The following TRIM39 variants were observed in gnomAD, a reference collection of about 807,000 sequenced individuals.
The protein encoded by TRIM39 is E3 ubiquitin-protein ligase TRIM39.
Under a neutral mutation model 53.6 loss-of-function variants are expected in TRIM39, and 5 were observed. That is an observed-to-expected ratio of 0.09 (90% CI 0.05 to 0.20). The LOEUF (loss-of-function observed/expected upper bound fraction) is 0.20, where lower values mean the gene tolerates loss of function less well. Ranked by LOEUF, TRIM39 falls within the 10% of genes least tolerant of loss-of-function variation. TRIM39 has a pLI of 1.00. For synonymous variants in TRIM39, 196 were observed against 237.6 expected (o/e 0.82, Z 1.61); for missense variants, 310 against 621.0 (o/e 0.50, Z 5.32).
At chr6:30,331,336 A>G (rs894297256) in intron 4 of TRIM39, among the ~76,000 whole-genome samples, 3 of 152,122 alleles carry the variant, frequency 2.0e-5, no homozygotes, top group Non-Finnish European at 2.9e-5. Context: ...ATGGCATTTT[A>G]TTAGGCTTGA....
intron 7 of TRIM39, among the ~76,000 whole-genome samples, chr6:30,340,912 G>C (rs576126990): frequency 2.5e-4 from 38 of 152,264 alleles, no homozygotes; most frequent in African/African-American, 7.5e-4. Context: ...ATGTAAACTT[G>C]CATAACCTTC....
chr6:30,337,642 G>A (rs1787030521), intron 5 of TRIM39, among the ~76,000 whole-genome samples: 1 of 152,156 alleles, frequency 6.6e-6, no homozygotes, highest in Non-Finnish European at 1.5e-5. Context: ...TAGAGCACAA[G>A]GAAAGTAGAT....
At chr6:30,340,333 C>G in intron 6 of TRIM39, 172 bp from the exon 7 acceptor site, 1 of 1,613,004 alleles carries the variant, frequency 6.2e-7, no homozygotes, top group Non-Finnish European at 8.5e-7. Flanking sequence ...TCATAAGGCT[C>G]TCCTTGGATT....
In TRIM39 at chr6:30,342,341, C is replaced by T; in HGVS notation, c.*82C>T. On this transcript the variant is annotated 3_prime_UTR_variant, in exon 8 of 8. Coordinates refer to ENST00000396551, the Ensembl canonical transcript of TRIM39. This position sits in a 1 kb window ranked among gnomAD's most constrained non-coding sequence, Gnocchi z 4.7. ...TTCCCGTGTCCTGCTGGAACGTCTT[C>T]GTGTCCACCTGGGTCCAGTCCTGAA... 5 of 1,450,176 alleles carry T rather than the reference C, an allele frequency of 3.4e-6. No homozygotes were observed. The South Asian group carries it at 3.8e-5, about 11-fold the overall frequency. 89.8% of individuals were successfully genotyped at this position (1,450,176 alleles called of 1,614,324 possible).
intron 3 of TRIM39, among the ~76,000 whole-genome samples, chr6:30,330,312 G>A (rs191213755): frequency 4.2e-4 from 64 of 152,334 alleles, no homozygotes; most frequent in African/African-American, 1.1e-3. Flanking sequence ...GAATGTGTTA[G>A]CATTTTATCA....
In TRIM39 at chr6:30,339,274, G is replaced by A. The variant is rs909892435; in HGVS notation, c.781-634G>A. Among the ~76,000 whole-genome samples the A allele has an allele frequency of 2.0e-5, 3 of 151,810 alleles. No homozygotes were observed. Among genetic ancestry groups the A allele is most frequent in the Non-Finnish European group, 4.4e-5 (3 of 67,988 alleles). On this transcript the variant is annotated intron_variant, in intron 5 of 7. Transcript: ENST00000396551. This position sits in a 1 kb window ranked among gnomAD's most constrained non-coding sequence, Gnocchi z 4.2. Reference sequence around the variant, plus strand: ...AGCGATTCTCCTGCCTCAGCCTCCTGAGTAGCTGGGGTTACAGGCGCACAC... The same window carrying A: ...AGCGATTCTCCTGCCTCAGCCTCCTAAGTAGCTGGGGTTACAGGCGCACAC...
At chr6:30,326,561 GCGC>G (rs1274695425) in exon 1 of TRIM39, 1 of 152,624 alleles carries the variant, frequency 6.6e-6, no homozygotes, top group African/African-American at 2.4e-5. Context: ...GGAGGCGGCG[GCGC>G]CTGGCCAGAG....
chr6:30,328,995 G>A (rs1785776942), exon 2 of TRIM39: 2 of 338,184 alleles, frequency 5.9e-6, no homozygotes, highest in African/African-American at 2.1e-5. Context: ...GAAGTATGCT[G>A]AGCTAGAGTT....
In TRIM39 at chr6:30,342,321, G is replaced by A. The variant is rs1038964739; in HGVS notation, c.*62G>A. 12 of 1,548,036 alleles carry A rather than the reference G, an allele frequency of 7.8e-6. No individual in the cohort carries two copies. The highest frequency in any genetic ancestry group is 6.7e-5 in the East Asian group (3 of 44,514). ...GTCAAGTGCTACGGGCCTCCTTCCC[G>A]TGTCCTGCTGGAACGTCTTCGTGTC... is the stretch of plus-strand genomic sequence containing the variant. On this transcript the variant is annotated 3_prime_UTR_variant, in exon 8 of 8. Coordinates refer to ENST00000396551, the Ensembl canonical transcript of TRIM39. This position sits in a 1 kb window ranked among gnomAD's most constrained non-coding sequence, Gnocchi z 4.7.
chr6:30,340,494 A>G lies in TRIM39; in HGVS notation c.804-11A>G. Reference sequence around the variant, plus strand: ...CTGCCCTTTCTTCCCCTATCTCCCTATCCCTCCTAGATGTGAAAAGGTGAA... The same window carrying G: ...CTGCCCTTTCTTCCCCTATCTCCCTGTCCCTCCTAGATGTGAAAAGGTGAA... On this transcript the variant is annotated splice_polypyrimidine_tract_variant and intron_variant, in intron 6 of 7. Transcript: ENST00000396551. 6.2e-7 allele frequency: 1 copy of G among 1,613,006 alleles called. No homozygotes were observed. The highest frequency in any genetic ancestry group is 8.5e-7 in the Non-Finnish European group (1 of 1,179,970).
chr6:30,333,992 CAT>C (rs1360139295), intron 4 of TRIM39, among the ~76,000 whole-genome samples: 2 of 151,792 alleles, frequency 1.3e-5, no homozygotes, highest in Non-Finnish European at 2.9e-5. Context: ...CATGCACACA[CAT>C]GTGCAAACAC....
rs1056852400 is a variant in TRIM39, at chr6:30,330,976, A to G, written c.549+100A>G. The G allele has an allele frequency of 1.4e-5, 19 of 1,397,166 alleles. No homozygotes were observed. In the East Asian group the frequency reaches 4.4e-4, roughly 33 times the overall value. 86.5% of individuals were successfully genotyped at this position (1,397,166 alleles called of 1,614,324 possible). The stretch of plus-strand genomic sequence containing the variant: ...ATCCACCAGTTCCGGTTCATTAGAA[A>G]AATGCAGTTCTCGCCGGACATGGTG... On this transcript the variant is annotated intron_variant, in intron 4 of 7. Coordinates refer to ENST00000396551, the Ensembl canonical transcript of TRIM39.
At chr6:30,331,266 C>G (rs1473298498) in intron 4 of TRIM39, among the ~76,000 whole-genome samples, 1 of 122,346 alleles carries the variant, frequency 8.2e-6, no homozygotes, top group Non-Finnish European at 1.7e-5. Context: ...AAGGCTCTGT[C>G]TCAAACAAAC....
chr6:30,330,722 T>A, intron 3 of TRIM39, 59 bp from the exon 4 acceptor site: 1 of 1,561,668 alleles, frequency 6.4e-7, no homozygotes, highest in Non-Finnish European at 8.8e-7. Context: ...AATCTCTGAA[T>A]GGTAGGTATA....
chr6:30,332,499 C>T (rs960910603), intron 4 of TRIM39, among the ~76,000 whole-genome samples: 22 of 152,184 alleles, frequency 1.4e-4, no homozygotes, highest in Admixed American at 1.1e-3. Flanking sequence ...AACATTTCAT[C>T]AGAAAGCAAG....
At chr6:30,332,972 C>T (rs1189606225) in intron 4 of TRIM39, among the ~76,000 whole-genome samples, 1 of 152,070 alleles carries the variant, frequency 6.6e-6, no homozygotes, top group African/African-American at 2.4e-5. Flanking sequence ...TCTATCATGT[C>T]CAAATATAAT....
chr6:30,341,460 G>A (rs933436311), intron 7 of TRIM39: 6 of 716,904 alleles, frequency 8.4e-6, no homozygotes, highest in African/African-American at 3.5e-5. Context: ...AGGACCAGGC[G>A]GGAACCTAGA....
chr6:30,329,082 T>G, intron 2 of TRIM39, 41 bp downstream of exon 2: 1 of 549,110 alleles, frequency 1.8e-6, no homozygotes. Context: ...GTGTGTCAGT[T>G]TACTAACAAG....
chr6:30,331,468 T>G (rs3094067), intron 4 of TRIM39, among the ~76,000 whole-genome samples: 9,705 of 152,198 alleles, frequency 0.064, 459 homozygotes, highest in Non-Finnish European at 0.1. Context: ...TGCCTCTTGG[T>G]CTCCTTTTTT....
Sources: gnomAD v4.1 joint callset for allele counts (sites outside exome capture counted in the v4.1 genomes callset) on GRCh38, gnomAD v4.1.1 for gene constraint, Gnocchi (gnomAD v3.1) non-coding constraint, MANE v1.5 for transcripts, NCBI Gene and HGNC (gene_info 2026-07-23, HGNC 2026-07-21) for gene names.